The following GRK3 variants were observed in gnomAD, a reference collection of about 807,000 sequenced individuals.
The protein encoded by GRK3 is adrenergic, beta, receptor kinase 2.
Under a neutral mutation model 95.7 loss-of-function variants are expected in GRK3, and 54 were observed. The observed-to-expected ratio is 0.56, with a 90% CI of 0.45 to 0.71. The LOEUF (loss-of-function observed/expected upper bound fraction) is 0.71, where lower values mean the gene tolerates loss of function less well. GRK3 is among the 30% of genes least tolerant of loss of function. The pLI, the probability that GRK3 is intolerant of heterozygous loss-of-function variation, is 0.00. For missense variants in GRK3, 649 were observed against 851.2 expected, an observed-to-expected ratio of 0.76 and a Z score of 2.96; for synonymous variants, 281 against 290.8, an observed-to-expected ratio of 0.97 and a Z score of 0.34.
At chr22:25,657,478 T>C (rs1244404358) in intron 3 of GRK3, among the ~76,000 whole-genome samples, 2 of 152,180 alleles carry the variant, frequency 1.3e-5, no homozygotes, top group Admixed American at 6.5e-5. Context: ...TTAATACAGA[T>C]GTAGACACTT....
At chr22:25,673,035 T>A (rs554777264) in intron 7 of GRK3, among the ~76,000 whole-genome samples, 2 of 150,800 alleles carry the variant, frequency 1.3e-5, no homozygotes, top group East Asian at 3.9e-4. Context: ...TTTTTGAGAT[T>A]TTTTACTTGA....
intron 6 of GRK3, among the ~76,000 whole-genome samples, chr22:25,670,960 A>G (rs2084976833): frequency 6.6e-6 from 1 of 150,544 alleles, no homozygotes; most frequent in Non-Finnish European, 1.5e-5. Flanking sequence ...AGGCCGAGGC[A>G]GGAGAATGGC....
chr22:25,699,284 C>T (rs180738588), intron 13 of GRK3, among the ~76,000 whole-genome samples: 7 of 152,232 alleles, frequency 4.6e-5, no homozygotes, highest in East Asian at 3.9e-4. Flanking sequence ...CTCAGGCACA[C>T]GGGGCCTAAG....
At chr22:25,568,383 T>A (rs1475344421) in intron 1 of GRK3, among the ~76,000 whole-genome samples, 2 of 152,162 alleles carry the variant, frequency 1.3e-5, no homozygotes, top group African/African-American at 4.8e-5. Context: ...GGTTGAGTAA[T>A]GTGAACTTCA....
Position 25,714,580 on chromosome 22 carries a change from C to T in GRK3, c.1654+10C>T. The T allele has an allele frequency of 3.2e-6, 5 of 1,572,742 alleles. No homozygotes were observed. In the South Asian group the frequency reaches 6.0e-5, roughly 19 times the overall value. On this transcript the variant is annotated intron_variant, in intron 18 of 20. Coordinates refer to ENST00000324198, the MANE Select transcript of GRK3 (RefSeq NM_005160.4). ...CTTGGCCACGAAGAAGGTAAAATAG[C>T]TCACGTGTCTCAAAACATTTCTAAT...
intron 12 of GRK3, among the ~76,000 whole-genome samples, chr22:25,694,784 C>T (rs2085193696): frequency 6.6e-6 from 1 of 152,222 alleles, no homozygotes; most frequent in Admixed American, 6.5e-5. Context: ...ACCCCATGCA[C>T]CTCCACATGA....
At chr22:25,697,165 C>T (rs566346582) in intron 13 of GRK3, among the ~76,000 whole-genome samples, 2 of 152,178 alleles carry the variant, frequency 1.3e-5, no homozygotes, top group Non-Finnish European at 2.9e-5. Context: ...TCCCAGAAGC[C>T]TTGTATTTAG....
chr22:25,620,059 G>GTGT, intron 2 of GRK3, among the ~76,000 whole-genome samples: 1 of 91,326 alleles, frequency 1.1e-5, no homozygotes, highest in Non-Finnish European at 2.5e-5. Context: ...TGTGTGTGTG[G>GTGT]TTTTAAGGAG....
At chr22:25,600,427 G>A (rs1448110970) in intron 1 of GRK3, among the ~76,000 whole-genome samples, 2 of 152,008 alleles carry the variant, frequency 1.3e-5, no homozygotes, top group Admixed American at 1.3e-4. Context: ...GGTGTGAGCC[G>A]CCGTGCCTGG....
chr22:25,694,545 G>A lies in GRK3; in HGVS notation c.1053-562G>A, dbSNP rs13054959. On this transcript the variant is annotated intron_variant, in intron 12 of 20. Coordinates refer to ENST00000324198, the MANE Select transcript of GRK3 (RefSeq NM_005160.4). The stretch of plus-strand genomic sequence containing the variant: ...TTCTGCAGCTTTTGAAACCTGACAC[G>A]TGATTTCTCCATCTTATGTACAACT... Among the ~76,000 whole-genome samples, 773 of 152,276 alleles carry A rather than the reference G, an allele frequency of 5.1e-3. 6 individuals are homozygous for A. Among genetic ancestry groups the A allele is most frequent in the Non-Finnish European group, 9.0e-3 (614 of 68,012 alleles).
chr22:25,592,530 G>A (rs111268308), intron 1 of GRK3, among the ~76,000 whole-genome samples: 6,717 of 151,998 alleles, frequency 0.044, 214 homozygotes, highest in African/African-American at 0.09. Flanking sequence ...TTGCTCTCAT[G>A]TCTAAAGTCT....
chr22:25,570,938 A>G (rs938315285), intron 1 of GRK3, among the ~76,000 whole-genome samples: 3 of 152,188 alleles, frequency 2.0e-5, no homozygotes, highest in Admixed American at 2.0e-4. Flanking sequence ...ACATATTTGA[A>G]TACTTTCTAT....
Position 25,619,634 on chromosome 22 carries a change from C to T in GRK3, c.190+15181C>T, listed in dbSNP as rs190107602. 3.8e-3 allele frequency among the ~76,000 whole-genome samples: 568 copies of T among 149,948 alleles called. 8 individuals carry two copies. The highest frequency in any genetic ancestry group is 0.013 in the African/African-American group (515 of 40,568). On this transcript the variant is annotated intron_variant, in intron 2 of 20. Coordinates refer to ENST00000324198, the MANE Select transcript of GRK3 (RefSeq NM_005160.4). ...GGGTAGCTAGGACTACAGGTGCACACGATCATACCTGGCTAGTTTTTTTTT... is the reference window on the plus strand; with the variant it reads ...GGGTAGCTAGGACTACAGGTGCACATGATCATACCTGGCTAGTTTTTTTTT...
chr22:25,614,248 CT>C (rs1174736674), intron 2 of GRK3, among the ~76,000 whole-genome samples: 1 of 152,160 alleles, frequency 6.6e-6, no homozygotes, highest in Non-Finnish European at 1.5e-5. Context: ...CTGCCTCAGC[CT>C]CCCGAGTAGC....
At chr22:25,566,379 C>A (rs1309979836) in intron 1 of GRK3, among the ~76,000 whole-genome samples, 1 of 152,228 alleles carries the variant, frequency 6.6e-6, no homozygotes, top group Non-Finnish European at 1.5e-5. Flanking sequence ...TGATCATCAT[C>A]TGATTTTTTT....
In GRK3 at chr22:25,721,197, T is replaced by C. The variant is rs1056714110; in HGVS notation, c.1792-87T>C. 21 of 632,886 alleles carry C rather than the reference T, an allele frequency of 3.3e-5. No homozygotes were observed. In the South Asian group the frequency reaches 4.3e-4, roughly 13 times the overall value. 39.2% of individuals were successfully genotyped at this position (632,886 alleles called of 1,614,324 possible). On this transcript the variant is annotated intron_variant, in intron 19 of 20. Transcript: ENST00000324198. ...GAAAACCGAATGTGTTTTCTTTTTT[T>C]ACTTGTTCTAACTTGGTAGTTTTTG...
chr22:25,709,604 G>A (rs1324406400), intron 15 of GRK3, among the ~76,000 whole-genome samples: 2 of 152,076 alleles, frequency 1.3e-5, no homozygotes, highest in East Asian at 3.8e-4. Flanking sequence ...TATTGTGTGT[G>A]TGTGTGTGTG....
At position 25,666,542 on chromosome 22, in the gene GRK3, T is replaced by G. The variant is rs999913396; in HGVS notation, c.442-1197T>G. Reference sequence around the variant, plus strand: ...TCCAGTGCCTTCCCCAGGACAGGGATAGTTCTGCAAGTTGGGGTAGACTGG... The same window carrying G: ...TCCAGTGCCTTCCCCAGGACAGGGAGAGTTCTGCAAGTTGGGGTAGACTGG... On this transcript the variant is annotated intron_variant, in intron 5 of 20. Transcript: ENST00000324198. Among the ~76,000 whole-genome samples, 15 of 152,288 alleles carry G rather than the reference T, an allele frequency of 9.8e-5. No individual in the cohort carries two copies. In the Middle Eastern group the frequency reaches 0.01, roughly 104 times the overall value.
chr22:25,709,759 GA>G lies in GRK3; in HGVS notation c.1329-137del, dbSNP rs2146462705. The G allele has an allele frequency of 1.0e-5, 7 of 673,032 alleles. No homozygotes were observed. The South Asian group carries it at 1.2e-4, about 12-fold the overall frequency. The allele number at this position is 673,032 out of a possible 1,614,324, so 41.7% of individuals were successfully genotyped here. On this transcript the variant is annotated intron_variant, in intron 15 of 20. Transcript: ENST00000324198. Reference sequence around the variant, plus strand: ...TAGCATTCCTCCTGTTGTTTTGAAGGAAGCATATTTGTTTGCTTTCTTAAAG... The same window carrying G: ...TAGCATTCCTCCTGTTGTTTTGAAGGAGCATATTTGTTTGCTTTCTTAAAG...
Sources: gnomAD v4.1 joint callset for allele counts (sites outside exome capture counted in the v4.1 genomes callset) on GRCh38, gnomAD v4.1.1 for gene constraint, MANE v1.5 for transcripts, NCBI Gene and HGNC (gene_info 2026-07-23, HGNC 2026-07-21) for gene names.